Variants in CAMTA1 observed in about 807,000 individuals in gnomAD.
CAMTA1 encodes calmodulin binding transcription activator 1.
A neutral mutation model predicts 170.9 loss-of-function variants in CAMTA1; 27 were observed. The observed-to-expected ratio is 0.16, with a 90% confidence interval of 0.12 to 0.22. The LOEUF (loss-of-function observed/expected upper bound fraction) is 0.22. Among genes scored for constraint, CAMTA1 ranks in the 10% least tolerant of loss-of-function variants. The pLI is 1.00. For missense variants in CAMTA1, 1,619 were observed against 2,217.2 expected (o/e 0.73, Z 5.42); for synonymous variants, 833 against 891.5 (o/e 0.93, Z 1.17).
At chr1:7,264,857 C>A (rs558488050) in intron 5 of CAMTA1, among the ~76,000 whole-genome samples, 1 of 152,304 alleles carries the variant, frequency 6.6e-6, no homozygotes, top group Admixed American at 6.5e-5. Context: ...TTTGACAGAT[C>A]CCCTTAGGAG....
At position 7,452,766 on chromosome 1, in the gene CAMTA1, C is replaced by T. The variant is rs2066386; in HGVS notation, c.439-15064C>T. Among the ~76,000 whole-genome samples the T allele has an allele frequency of 2.4e-3, 362 of 152,354 alleles. 4 individuals carry two copies. Among genetic ancestry groups the T allele is most frequent in the Middle Eastern group, 6.8e-3 (2 of 294 alleles). ...AGCCCACATTTGCTTACCTCTTCCT[C>T]TGCCGATGGGCATGTAGGCTGTTCC... On this transcript the variant is annotated intron_variant, in intron 5 of 22. Transcript: ENST00000303635.
intron 5 of CAMTA1, among the ~76,000 whole-genome samples, chr1:7,343,821 T>G (rs1285093074): frequency 2.0e-5 from 3 of 152,246 alleles, no homozygotes; most frequent in Non-Finnish European, 4.4e-5. Flanking sequence ...GGTTGGCTTT[T>G]GAAATTTAAC....
At chr1:7,661,673 G>A in intron 7 of CAMTA1, 53 bp from the exon 8 acceptor site, 1 of 1,606,386 alleles carries the variant, frequency 6.2e-7, no homozygotes, top group Non-Finnish European at 8.5e-7. Context: ...GCCCCACCCA[G>A]GTCCCCTCTG....
In CAMTA1 at chr1:7,641,534, C is replaced by T. The variant is rs1229108660; in HGVS notation, c.664+981C>T. Among the ~76,000 whole-genome samples, 3 of 152,180 alleles carry T rather than the reference C, an allele frequency of 2.0e-5. No homozygotes were observed. Among genetic ancestry groups the T allele is most frequent in the African/African-American group, 2.4e-5 (1 of 41,456 alleles). Reference sequence around the variant, plus strand: ...CCTGGGAGGGCCCAGGCTGAGGCTACGGGCACCTGCGGTGATGCTAATCCT... The same window carrying T: ...CCTGGGAGGGCCCAGGCTGAGGCTATGGGCACCTGCGGTGATGCTAATCCT... On this transcript the variant is annotated intron_variant, in intron 7 of 22. Transcript: ENST00000303635. The surrounding 1 kb of genome is among the most constrained non-coding windows in gnomAD (Gnocchi z 4.5).
chr1:7,647,311 T>G (rs1000498402), intron 7 of CAMTA1, among the ~76,000 whole-genome samples: 10 of 152,232 alleles, frequency 6.6e-5, no homozygotes, highest in Non-Finnish European at 1.3e-4. Flanking sequence ...GTTTTGTTTT[T>G]TGCTTAGATT....
intron 5 of CAMTA1, among the ~76,000 whole-genome samples, chr1:7,433,915 C>A (rs926484155): frequency 6.6e-6 from 1 of 152,146 alleles, no homozygotes; most frequent in Admixed American, 6.5e-5. Flanking sequence ...CACAAGCCAG[C>A]AGCACAGGAT....
rs544708958 is a variant in CAMTA1 at position 6,918,829 on chromosome 1, C to T, written c.234+93619C>T. 6.6e-6 allele frequency among the ~76,000 whole-genome samples: 1 copy of T among 152,302 alleles called. No individual in the cohort carries two copies. The highest frequency in any genetic ancestry group is 1.9e-4 in the East Asian group (1 of 5,168). ...GTGGCTGGAGGGTGGCTTGCTGCCA[C>T]TTGATGCAGAGAAGAAAGGAGGGTC... On this transcript the variant is annotated intron_variant, in intron 3 of 22. Transcript: ENST00000303635. The surrounding 1 kb of genome is among the most constrained non-coding windows in gnomAD (Gnocchi z 4.0).
chr1:6,928,487 C>A (rs1683767527), intron 3 of CAMTA1, among the ~76,000 whole-genome samples: 2 of 152,122 alleles, frequency 1.3e-5, no homozygotes, highest in South Asian at 4.2e-4. Flanking sequence ...GCTGTTCTAG[C>A]TCCCACACAG....
intron 3 of CAMTA1, among the ~76,000 whole-genome samples, chr1:6,913,446 T>G (rs1209465806): frequency 2.0e-5 from 3 of 152,154 alleles, no homozygotes; most frequent in Non-Finnish European, 4.4e-5. Context: ...AGAGCCATCA[T>G]GGTAACGAGG....
At chr1:7,475,156 A>G (rs2093400601) in intron 6 of CAMTA1, among the ~76,000 whole-genome samples, 1 of 152,192 alleles carries the variant, frequency 6.6e-6, no homozygotes, top group Non-Finnish European at 1.5e-5. Context: ...CTTAAAATGG[A>G]GAATATTATA....
At chr1:6,840,743 A>G (rs927052724) in intron 3 of CAMTA1, among the ~76,000 whole-genome samples, 2 of 152,182 alleles carry the variant, frequency 1.3e-5, no homozygotes, top group Non-Finnish European at 2.9e-5. Context: ...AGATGGAGAA[A>G]GGGAGACTAA....
chr1:7,454,641 A>G (rs540879726), intron 5 of CAMTA1, among the ~76,000 whole-genome samples: 2 of 152,232 alleles, frequency 1.3e-5, no homozygotes, highest in East Asian at 3.9e-4. Context: ...TCTCTGCCTG[A>G]TCAGGGAGGA....
At chr1:6,841,080 T>C (rs1398222507) in intron 3 of CAMTA1, among the ~76,000 whole-genome samples, 1 of 152,162 alleles carries the variant, frequency 6.6e-6, no homozygotes, top group Non-Finnish European at 1.5e-5. Context: ...TGCTTAATGT[T>C]CCTTGGCTTG....
intron 6 of CAMTA1, among the ~76,000 whole-genome samples, chr1:7,564,890 G>A (rs1347095068): frequency 6.6e-6 from 1 of 151,752 alleles, no homozygotes; most frequent in Non-Finnish European, 1.5e-5. Flanking sequence ...ACAGTGGGGT[G>A]GAAAAAAATA....
chr1:6,860,543 C>A (rs931417898), intron 3 of CAMTA1, among the ~76,000 whole-genome samples: 15 of 151,960 alleles, frequency 9.9e-5, no homozygotes, highest in African/African-American at 3.6e-4. Context: ...TTTTTCTTTC[C>A]TTATACACTG....
intron 6 of CAMTA1, among the ~76,000 whole-genome samples, chr1:7,514,909 A>G (rs1489775269): frequency 6.6e-6 from 1 of 152,146 alleles, no homozygotes; most frequent in East Asian, 1.9e-4. Flanking sequence ...CCCAGAGGAA[A>G]AACCTAAAGA....
At chr1:7,655,043 T>TACACACACCTATACAAAC (rs1298257228) in intron 7 of CAMTA1, among the ~76,000 whole-genome samples, 7 of 110,376 alleles carry the variant, frequency 6.3e-5, no homozygotes, top group Middle Eastern at 8.3e-3. Flanking sequence ...CACCCACCTA[T>TACACACACCTATACAAAC]ACACACACCT....
intron 3 of CAMTA1, among the ~76,000 whole-genome samples, chr1:6,967,438 A>G (rs1265855426): frequency 6.6e-6 from 1 of 152,110 alleles, no homozygotes; most frequent in African/African-American, 2.4e-5. Flanking sequence ...CCACCCGCGA[A>G]TGTGGCCTCA....
intron 6 of CAMTA1, among the ~76,000 whole-genome samples, chr1:7,483,956 A>C (rs2093579339): frequency 6.6e-6 from 1 of 151,884 alleles, no homozygotes; most frequent in Non-Finnish European, 1.5e-5. Flanking sequence ...TTTTATTCCC[A>C]CTTTGACCCT....
Sources: allele counts gnomAD v4.1 joint callset (sites outside exome capture counted in the v4.1 genomes callset), GRCh38; gene constraint gnomAD v4.1.1; non-coding constraint Gnocchi (gnomAD v3.1); transcripts MANE v1.5; gene names NCBI Gene and HGNC (gene_info 2026-07-23, HGNC 2026-07-21).